Variants in SGCD observed in about 807,000 individuals in gnomAD.
The protein encoded by SGCD is delta-sarcoglycan.
Under a neutral mutation model 36.6 loss-of-function variants are expected in SGCD, and 18 were observed. That is an observed-to-expected ratio of 0.49 (90% confidence interval 0.34 to 0.73). The LOEUF (loss-of-function observed/expected upper bound fraction) is 0.73, where lower values mean the gene tolerates loss of function less well. Ranked by LOEUF, SGCD falls within the 30% of genes least tolerant of loss-of-function variation. The pLI is 0.01. For synonymous variants in SGCD, 133 were observed against 130.6 expected (o/e 1.02, Z -0.12); for missense variants, 387 against 346.7 (o/e 1.12, Z -0.92).
intron 3 of SGCD, among the ~76,000 whole-genome samples, chr5:156,238,804 G>T (rs574033556): frequency 1.3e-5 from 2 of 152,188 alleles, no homozygotes; most frequent in South Asian, 4.1e-4. Context: ...ATGATCCCCA[G>T]GCATTAGTGT....
At chr5:155,963,707 A>G (rs981110617) in intron 1 of SGCD, among the ~76,000 whole-genome samples, 5 of 152,118 alleles carry the variant, frequency 3.3e-5, no homozygotes, top group East Asian at 1.9e-4. Flanking sequence ...AAGGTGATTC[A>G]TTACTTCAAA....
intron 1 of SGCD, among the ~76,000 whole-genome samples, chr5:155,942,076 C>T (rs1469932505): frequency 6.6e-6 from 1 of 152,022 alleles, no homozygotes; most frequent in South Asian, 2.1e-4. Flanking sequence ...ATTGGAGCAG[C>T]CTTCCCACAG....
At chr5:156,186,850 G>A (rs532728169) in intron 3 of SGCD, among the ~76,000 whole-genome samples, 87 of 152,274 alleles carry the variant, frequency 5.7e-4, no homozygotes, top group African/African-American at 2.0e-3. Context: ...TGTGAAGTAT[G>A]GGAGTCAGCC....
chr5:156,217,109 G>A (rs1014607762), intron 3 of SGCD, among the ~76,000 whole-genome samples: 1 of 151,972 alleles, frequency 6.6e-6, no homozygotes, highest in African/African-American at 2.4e-5. Flanking sequence ...AAAAAAGAAA[G>A]AAAGAAAATG....
At chr5:155,750,428 C>T in the SGCD span, among the ~76,000 whole-genome samples, 3 of 152,076 alleles carry the variant, frequency 2.0e-5, no homozygotes, top group East Asian at 5.8e-4. Context: ...ATATAATTTT[C>T]CCTTATCTCA....
intron 7 of SGCD, among the ~76,000 whole-genome samples, chr5:156,709,229 C>A (rs1754877930): frequency 6.6e-6 from 1 of 152,144 alleles, no homozygotes; most frequent in South Asian, 2.1e-4. Flanking sequence ...TCATGAAGAC[C>A]ATCTGGTGCC....
intron 4 of SGCD, among the ~76,000 whole-genome samples, chr5:156,521,802 C>A (rs1000128625): frequency 6.6e-5 from 10 of 152,126 alleles, no homozygotes; most frequent in African/African-American, 2.4e-4. Flanking sequence ...CCTCAAAGAC[C>A]TGGAACTAAA....
At chr5:156,399,240 T>C (rs534063072) in intron 3 of SGCD, among the ~76,000 whole-genome samples, 128 of 152,210 alleles carry the variant, frequency 8.4e-4, no homozygotes, top group African/African-American at 3.0e-3. Context: ...AACAGAAAAT[T>C]TTCCATACTC....
chr5:155,984,853 G>A (rs1206540221), intron 1 of SGCD, among the ~76,000 whole-genome samples: 2 of 152,146 alleles, frequency 1.3e-5, no homozygotes, highest in East Asian at 1.9e-4. Context: ...TATTGCATAT[G>A]CATTTATGTA....
At chr5:155,936,367 T>C (rs149357836) in intron 1 of SGCD, among the ~76,000 whole-genome samples, 8 of 152,264 alleles carry the variant, frequency 5.3e-5, no homozygotes, top group Non-Finnish European at 1.0e-4. Flanking sequence ...CTGGGATGGA[T>C]AGCTCCTCTT....
intron 1 of SGCD, among the ~76,000 whole-genome samples, chr5:155,880,072 G>A (rs1755850003): frequency 6.6e-6 from 1 of 152,190 alleles, no homozygotes; most frequent in South Asian, 2.1e-4. Context: ...CAGCCACTAT[G>A]CAGAATTTAA....
chr5:156,419,139 G>T (rs1580961992), intron 3 of SGCD, among the ~76,000 whole-genome samples: 1 of 151,982 alleles, frequency 6.6e-6, no homozygotes, highest in East Asian at 1.9e-4. Context: ...TGATAATTTG[G>T]CTATGAAGAA....
At chr5:156,321,342 C>G (rs1317263218) in intron 3 of SGCD, among the ~76,000 whole-genome samples, 1 of 152,146 alleles carries the variant, frequency 6.6e-6, no homozygotes, top group African/African-American at 2.4e-5. Flanking sequence ...ATGGTGTGAA[C>G]CCGAGAAGTG....
chr5:156,250,387 A>G (rs114395809), intron 3 of SGCD, among the ~76,000 whole-genome samples: 2,508 of 152,326 alleles, frequency 0.016, 37 homozygotes, highest in Non-Finnish European at 0.026. Context: ...GCTTCAATTT[A>G]ATTATGTCAG....
At chr5:156,488,818 T>C (rs972364314) in intron 3 of SGCD, among the ~76,000 whole-genome samples, 4 of 152,070 alleles carry the variant, frequency 2.6e-5, no homozygotes, top group Admixed American at 2.6e-4. Context: ...AGGGGAATAA[T>C]GGAACAAAGT....
At chr5:156,731,737 A>G (rs1436478532) in intron 7 of SGCD, among the ~76,000 whole-genome samples, 1 of 152,182 alleles carries the variant, frequency 6.6e-6, no homozygotes, top group Non-Finnish European at 1.5e-5. Flanking sequence ...TAATAGGCAT[A>G]GCATTGAATC....
chr5:156,488,103 T>TC (rs1755777346), intron 3 of SGCD, among the ~76,000 whole-genome samples: 1 of 117,750 alleles, frequency 8.5e-6, no homozygotes, highest in African/African-American at 4.7e-5. Flanking sequence ...GACAGGTTTT[T>TC]TTTTTTTTTT....
chr5:156,756,790 A>T (rs1023883991), intron 7 of SGCD, among the ~76,000 whole-genome samples: 1 of 152,262 alleles, frequency 6.6e-6, no homozygotes, highest in African/African-American at 2.4e-5. Context: ...AAGTTCCGTC[A>T]CACAAAACAT....
At chr5:156,545,043 A>G (rs377519533) in intron 4 of SGCD, among the ~76,000 whole-genome samples, 2 of 152,184 alleles carry the variant, frequency 1.3e-5, no homozygotes, top group East Asian at 1.9e-4. Flanking sequence ...TTGACTGTTC[A>G]GTGAAGAGGT....
Sources: gnomAD v4.1 joint callset for allele counts (sites outside exome capture counted in the v4.1 genomes callset) on GRCh38, gnomAD v4.1.1 for gene constraint, MANE v1.5 for transcripts, NCBI Gene and HGNC (gene_info 2026-07-23, HGNC 2026-07-21) for gene names.